Variants in RELN observed in about 807,000 individuals in gnomAD.
RELN encodes the protein reelin.
In RELN, 108 loss-of-function variants were observed where a neutral mutation model predicts 427.6. That is an observed-to-expected ratio of 0.25 (90% CI 0.22 to 0.30). RELN has a LOEUF of 0.30. Ranked by LOEUF, RELN falls within the 10% of genes least tolerant of loss-of-function variation. RELN has a pLI of 1.00. For synonymous variants in RELN, 1,524 were observed against 1,513.4 expected, an observed-to-expected ratio of 1.01 and a Z score of -0.16; for missense variants, 3,715 against 4,302.8, an observed-to-expected ratio of 0.86 and a Z score of 3.82.
intron 2 of RELN, among the ~76,000 whole-genome samples, chr7:103,901,059 A>T (rs951560518): frequency 1.3e-5 from 2 of 152,038 alleles, no homozygotes; most frequent in Non-Finnish European, 2.9e-5. Flanking sequence ...ACTCAACAAC[A>T]AAAAGACTGA....
intron 4 of RELN, among the ~76,000 whole-genome samples, chr7:103,765,402 C>T (rs1358927404): frequency 6.6e-6 from 1 of 152,148 alleles, no homozygotes; most frequent in African/African-American, 2.4e-5. Flanking sequence ...TGTTGCCACA[C>T]ACCTTGCCTG....
chr7:103,773,292 CCTCT>C (rs1351841742), intron 4 of RELN, among the ~76,000 whole-genome samples: 1 of 104,700 alleles, frequency 9.6e-6, no homozygotes, highest in East Asian at 3.2e-4. Context: ...TCCCTCGCTC[CCTCT>C]CTCTCTCCCT....
At chr7:103,850,381 G>A (rs923684211) in intron 2 of RELN, among the ~76,000 whole-genome samples, 6 of 152,174 alleles carry the variant, frequency 3.9e-5, no homozygotes, top group African/African-American at 1.4e-4. Flanking sequence ...ACCTAGAGCT[G>A]AGTCAAGTTA....
chr7:103,498,347 A>G (rs1393983703), intron 53 of RELN, 95 bp from the exon 54 acceptor site: 4 of 1,105,788 alleles, frequency 3.6e-6, no homozygotes, highest in Non-Finnish European at 4.1e-6. Flanking sequence ...GGACTTAAAA[A>G]AAATAGAGCT....
rs113731824 is a variant in RELN, at chr7:103,637,322, G to T, written c.2070-854C>A. 2.7e-3 allele frequency among the ~76,000 whole-genome samples: 405 copies of T among 152,266 alleles called. 1 individual carries two copies. Among genetic ancestry groups the T allele is most frequent in the African/African-American group, 9.1e-3 (377 of 41,564 alleles). On this transcript the variant is annotated intron_variant, in intron 17 of 64. Transcript: ENST00000428762. ...TGTTGCTCAATTGGTATCTTTTTGAGTGGGGGATTCTCATGGGAGCATTCA... is the reference window on the plus strand; with the variant it reads ...TGTTGCTCAATTGGTATCTTTTTGATTGGGGGATTCTCATGGGAGCATTCA...
intron 19 of RELN, among the ~76,000 whole-genome samples, chr7:103,634,544 G>A (rs1365323528): frequency 6.6e-6 from 1 of 151,840 alleles, no homozygotes; most frequent in Non-Finnish European, 1.5e-5. Context: ...ATCTGACAAC[G>A]GATACTATAT....
intron 1 of RELN, among the ~76,000 whole-genome samples, chr7:103,942,321 C>T (rs1796132648): frequency 6.6e-6 from 1 of 152,046 alleles, no homozygotes. Flanking sequence ...CCTTGGCAAC[C>T]CCCATTCTAT....
At chr7:103,759,203 C>T (rs1164162935) in intron 4 of RELN, among the ~76,000 whole-genome samples, 1 of 151,966 alleles carries the variant, frequency 6.6e-6, no homozygotes, top group African/African-American at 2.4e-5. Context: ...AAGAAAGAGA[C>T]TGGAACTGCC....
intron 22 of RELN, 34 bp downstream of exon 22, chr7:103,610,661 A>G: frequency 3.8e-6 from 4 of 1,050,020 alleles, no homozygotes. Context: ...AGTCAAAGTT[A>G]AAGTGACAGC....
chr7:103,720,305 A>C (rs1790044476), intron 8 of RELN, among the ~76,000 whole-genome samples: 1 of 151,986 alleles, frequency 6.6e-6, no homozygotes, highest in African/African-American at 2.4e-5. Flanking sequence ...GGAACTTGGG[A>C]GTCTTTTGGA....
chr7:103,748,119 T>A (rs1200640775), intron 6 of RELN, among the ~76,000 whole-genome samples: 5 of 147,916 alleles, frequency 3.4e-5, no homozygotes, highest in Non-Finnish European at 7.4e-5. Flanking sequence ...TTTTCCTGGG[T>A]AAAAGTGCTA....
At chr7:103,658,524 C>T (rs911400377) in intron 12 of RELN, among the ~76,000 whole-genome samples, 11 of 151,994 alleles carry the variant, frequency 7.2e-5, no homozygotes, top group African/African-American at 2.4e-4. Context: ...ATAACCTACC[C>T]TATCCTTACT....
At chr7:103,791,113 A>G (rs1792152035) in intron 3 of RELN, among the ~76,000 whole-genome samples, 1 of 152,198 alleles carries the variant, frequency 6.6e-6, no homozygotes, top group Admixed American at 6.5e-5. Context: ...AAAAAAAAAG[A>G]TGGAAATAAA....
At chr7:103,822,068 TA>T (rs1386162179) in intron 3 of RELN, among the ~76,000 whole-genome samples, 1 of 152,084 alleles carries the variant, frequency 6.6e-6, no homozygotes, top group Non-Finnish European at 1.5e-5. Context: ...CAGTGCTAAA[TA>T]AAACATCAAT....
Position 103,611,772 on chromosome 7 carries a change from T to C in RELN, c.2734A>G (p.Met912Val), listed in dbSNP as rs1485021475. Residue 912 changes from methionine (M) to valine (V), a missense_variant, in exon 21 of 65, where the codon ATG becomes GTG. Physicochemically the swap from Met to Val is conservative, Grantham distance 21 (BLOSUM62 1). Around this residue, in one of 4 missense-constraint regions of RELN, gnomAD observed 2,208 missense variants for 2,361.7 expected, o/e 0.93. Coordinates refer to ENST00000428762, the MANE Select transcript of RELN (RefSeq NM_005045.4). ...FTGDSKLASS[M>V]RYVETQSMQI... ...ATTGATTGTGTTTCCACATAGCGCA[T>C]ACTTGAGGCAAGTTTAGAATCTCCT... 4.3e-6 allele frequency: 7 copies of C among 1,613,826 alleles called. 1 individual carries two copies. In the Admixed American group the frequency reaches 6.7e-5, roughly 15 times the overall value.
intron 16 of RELN, among the ~76,000 whole-genome samples, chr7:103,646,019 G>T (rs1832789308): frequency 6.6e-6 from 1 of 151,806 alleles, no homozygotes; most frequent in South Asian, 2.1e-4. Context: ...TAAACAACCT[G>T]CTCCTGAATG....
At chr7:103,930,611 C>T (rs1416861118) in intron 1 of RELN, among the ~76,000 whole-genome samples, 1 of 152,014 alleles carries the variant, frequency 6.6e-6, no homozygotes, top group Non-Finnish European at 1.5e-5. Flanking sequence ...ACTACAGGTG[C>T]ACACCACCAT....
chr7:103,684,391 C>T lies in RELN; in HGVS notation c.1144-2130G>A, dbSNP rs1052361466. Among the ~76,000 whole-genome samples the T allele has an allele frequency of 3.9e-5, 6 of 152,280 alleles. No homozygotes were observed. The East Asian group carries it at 5.8e-4, about 15-fold the overall frequency. On this transcript the variant is annotated intron_variant, in intron 10 of 64. Coordinates refer to ENST00000428762, the MANE Select transcript of RELN (RefSeq NM_005045.4). Reference sequence around the variant, plus strand: ...TCAGATTGAGATAGTGTCCCCGGTCCTTGCTTGCTTTCTATCTGCATTTCT... The same window carrying T: ...TCAGATTGAGATAGTGTCCCCGGTCTTTGCTTGCTTTCTATCTGCATTTCT...
At chr7:103,486,553 C>CA (rs1210570296) in intron 60 of RELN, 137 bp from the exon 61 acceptor site, 20,255 of 422,582 alleles carry the variant, frequency 0.048, no homozygotes, top group East Asian at 0.062. Context: ...AACAACTTTA[C>CA]AAAAAAAAAA....
Sources: allele counts gnomAD v4.1 joint callset (sites outside exome capture counted in the v4.1 genomes callset), GRCh38; gene constraint gnomAD v4.1.1; regional missense constraint gnomAD v4.1.1; transcripts MANE v1.5; gene names NCBI Gene and HGNC (gene_info 2026-07-23, HGNC 2026-07-21).